The following UBE2L3 variants were observed in gnomAD, a reference collection of about 807,000 sequenced individuals.
The protein encoded by UBE2L3 is ubiquitin conjugating enzyme E2 L3.
In UBE2L3, 1 loss-of-function variant was observed where a neutral mutation model predicts 17.8. The ratio of observed to expected loss-of-function variants is 0.06; its 90% CI spans 0.02 to 0.27. The LOEUF (loss-of-function observed/expected upper bound fraction) is 0.27. UBE2L3 is among the 10% of genes least tolerant of loss of function. UBE2L3 has a pLI of 1.00. For synonymous variants in UBE2L3, 44 were observed against 68.5 expected, an observed-to-expected ratio of 0.64 and a Z score of 1.76; for missense variants, 40 against 192.6, an observed-to-expected ratio of 0.21 and a Z score of 4.69.
chr22:21,610,361 T>C (rs998317729), intron 2 of UBE2L3, among the ~76,000 whole-genome samples: 2 of 152,210 alleles, frequency 1.3e-5, no homozygotes, highest in South Asian at 4.1e-4. Context: ...ATTCCAGCTA[T>C]CATGTCTGAT....
At chr22:21,603,732 A>G (rs1047139000) in intron 2 of UBE2L3, among the ~76,000 whole-genome samples, 1 of 149,150 alleles carries the variant, frequency 6.7e-6, no homozygotes, top group Non-Finnish European at 1.5e-5. Context: ...AGTCCTAGCT[A>G]CTCGGGAGGC....
intron 1 of UBE2L3, among the ~76,000 whole-genome samples, chr22:21,579,309 T>C (rs1418255376): frequency 1.3e-5 from 2 of 152,066 alleles, no homozygotes; most frequent in Non-Finnish European, 2.9e-5. Context: ...TAATTAGTTA[T>C]GATGATAACT....
chr22:21,583,274 C>T (rs1348172482), intron 1 of UBE2L3, among the ~76,000 whole-genome samples: 4 of 152,220 alleles, frequency 2.6e-5, no homozygotes, highest in African/African-American at 7.2e-5. Flanking sequence ...CTGTTCCCTC[C>T]ACTGGTGTCT....
chr22:21,581,449 C>A (rs983482675), intron 1 of UBE2L3, among the ~76,000 whole-genome samples: 1 of 152,040 alleles, frequency 6.6e-6, no homozygotes, highest in Non-Finnish European at 1.5e-5. Context: ...CTTGACTTCC[C>A]AAAATGCTGG....
chr22:21,606,805 C>T (rs990179003), intron 2 of UBE2L3, among the ~76,000 whole-genome samples: 5 of 152,110 alleles, frequency 3.3e-5, no homozygotes, highest in Admixed American at 2.0e-4. Flanking sequence ...ACCGTGATTG[C>T]ACCTCTGCAC....
chr22:21,563,087 C>G (rs1178496442), upstream of UBE2L3, among the ~76,000 whole-genome samples: 2 of 150,888 alleles, frequency 1.3e-5, no homozygotes, highest in East Asian at 4.0e-4. Context: ...ACTAAAAATG[C>G]AAAAATTAGC....
chr22:21,593,588 A>G (rs1251380856), intron 2 of UBE2L3, among the ~76,000 whole-genome samples: 1 of 151,938 alleles, frequency 6.6e-6, no homozygotes, highest in Non-Finnish European at 1.5e-5. Context: ...GCACCCTCTT[A>G]GTGCCTACTC....
intron 3 of UBE2L3, among the ~76,000 whole-genome samples, chr22:21,619,277 C>T (rs1405883982): frequency 6.6e-6 from 1 of 152,176 alleles, no homozygotes; most frequent in Non-Finnish European, 1.5e-5. Flanking sequence ...CCTCCAGGGC[C>T]TGCTGCCTCT....
upstream of UBE2L3, among the ~76,000 whole-genome samples, chr22:21,563,494 G>T (rs1249139118): frequency 6.7e-6 from 1 of 148,430 alleles, no homozygotes; most frequent in South Asian, 2.1e-4. Context: ...CCCGGGAGGC[G>T]GAGGTTGCAG....
In UBE2L3 at chr22:21,559,352, T is replaced by C. The variant is rs532288934; in HGVS notation, c.201+9702T>C. ...GACAGAGCAAGACTCTGTCTCAAAA[T>C]AAATAAATAAATAAATAAACAAACA... On this transcript the variant is annotated intron_variant, in intron 1 of 3. Coordinates refer to the UBE2L3 transcript ENST00000458578. Among the ~76,000 whole-genome samples the C allele has an allele frequency of 1.1e-3, 144 of 133,648 alleles. 4 individuals are homozygous for C. Among genetic ancestry groups the C allele is most frequent in the African/African-American group, 4.4e-3 (137 of 30,972 alleles). 87.7% of individuals were successfully genotyped at this position (133,648 alleles called of 152,430 possible). A position where few individuals can be genotyped will look rare whatever the true frequency, so the allele number is the denominator to read the frequency against.
intron 2 of UBE2L3, among the ~76,000 whole-genome samples, chr22:21,597,808 G>A (rs1256867518): frequency 3.0e-5 from 1 of 33,562 alleles, no homozygotes; most frequent in African/African-American, 1.1e-4. Flanking sequence ...TTTTTTTTTT[G>A]AGACAGGCTC....
At chr22:21,566,347 G>A (rs1224966499), upstream of UBE2L3, among the ~76,000 whole-genome samples, 2 of 152,058 alleles carry the variant, frequency 1.3e-5, no homozygotes, top group African/African-American at 4.8e-5. Context: ...ACTTTGGGAG[G>A]TTGCGGCGGG....
At chr22:21,616,838 T>A (rs1367305420) in intron 3 of UBE2L3, among the ~76,000 whole-genome samples, 1 of 151,592 alleles carries the variant, frequency 6.6e-6, no homozygotes, top group African/African-American at 2.4e-5. Context: ...TCTTTGACAA[T>A]GAAGCTCCCT....
intron 2 of UBE2L3, among the ~76,000 whole-genome samples, chr22:21,603,420 C>T (rs1928970727): frequency 6.7e-6 from 1 of 149,008 alleles, no homozygotes; most frequent in African/African-American, 2.5e-5. Flanking sequence ...GTCCCAGCTA[C>T]TTGGGAGGGT....
intron 1 of UBE2L3, among the ~76,000 whole-genome samples, chr22:21,582,723 A>AC (rs1927713229): frequency 6.6e-6 from 1 of 152,064 alleles, no homozygotes; most frequent in African/African-American, 2.4e-5. Context: ...ACGAGGTTTC[A>AC]CCATGTTGGC....
chr22:21,556,223 C>A (rs1406053510), intron 1 of UBE2L3, among the ~76,000 whole-genome samples: 1 of 152,142 alleles, frequency 6.6e-6, no homozygotes, highest in South Asian at 2.1e-4. Flanking sequence ...ATAGTGACAC[C>A]CTGTTTCTAA....
intron 2 of UBE2L3, among the ~76,000 whole-genome samples, chr22:21,609,794 G>A (rs1568986446): frequency 6.6e-6 from 1 of 152,144 alleles, no homozygotes; most frequent in Non-Finnish European, 1.5e-5. Context: ...GGGAGGCCGA[G>A]GCAGGCAGAT....
intron 1 of UBE2L3, among the ~76,000 whole-genome samples, chr22:21,571,848 T>A (rs1926984627): frequency 6.6e-6 from 1 of 152,184 alleles, no homozygotes; most frequent in East Asian, 1.9e-4. Flanking sequence ...AGTATAGGTT[T>A]AGATTCTGAG....
At chr22:21,576,729 T>C (rs1175869446) in intron 1 of UBE2L3, among the ~76,000 whole-genome samples, 1 of 151,816 alleles carries the variant, frequency 6.6e-6, no homozygotes, top group Admixed American at 6.6e-5. Flanking sequence ...CCACTGCGCC[T>C]GGCCGAAAGC....
Sources: gnomAD v4.1 joint callset for allele counts (sites outside exome capture counted in the v4.1 genomes callset) on GRCh38, gnomAD v4.1.1 for gene constraint, MANE v1.5 for transcripts, NCBI Gene and HGNC (gene_info 2026-07-23, HGNC 2026-07-21) for gene names.